The following CTNNA2 variants were observed in gnomAD, a reference collection of about 807,000 sequenced individuals.
The protein encoded by CTNNA2 is catenin alpha-2.
A neutral mutation model predicts 101.0 loss-of-function variants in CTNNA2; 42 were observed. The ratio of observed to expected loss-of-function variants is 0.42; its 90% CI spans 0.32 to 0.54. The LOEUF (loss-of-function observed/expected upper bound fraction) is 0.54, where lower values mean the gene tolerates loss of function less well. CTNNA2 is among the 20% of genes least tolerant of loss of function. CTNNA2 has a pLI of 0.14. For synonymous variants in CTNNA2, 450 were observed against 456.4 expected, an observed-to-expected ratio of 0.99 and a Z score of 0.18; for missense variants, 871 against 1,223.1, an observed-to-expected ratio of 0.71 and a Z score of 4.29.
intron 7 of CTNNA2, among the ~76,000 whole-genome samples, chr2:80,149,450 C>T (rs1703557281): frequency 6.6e-6 from 1 of 152,116 alleles, no homozygotes; most frequent in Non-Finnish European, 1.5e-5. Context: ...CACATCATAT[C>T]CATTTAACAG....
chr2:79,765,301 T>C (rs1673069364), intron 3 of CTNNA2, among the ~76,000 whole-genome samples: 1 of 152,194 alleles, frequency 6.6e-6, no homozygotes, highest in Admixed American at 6.5e-5. Flanking sequence ...CCTCTATTGT[T>C]ACATTTCTAG....
intron 9 of CTNNA2, among the ~76,000 whole-genome samples, chr2:80,423,861 T>C (rs1416494482): frequency 6.6e-6 from 1 of 152,080 alleles, no homozygotes; most frequent in Non-Finnish European, 1.5e-5. Context: ...TATTTCCCAA[T>C]AGCAATAAAA....
At chr2:79,353,865 G>A (rs1369557113) in intron 3 of CTNNA2, among the ~76,000 whole-genome samples, 2 of 152,206 alleles carry the variant, frequency 1.3e-5, no homozygotes, top group African/African-American at 2.4e-5. Context: ...CAGTCTAGTG[G>A]TCATGAATTC....
chr2:80,312,261 T>G (rs1488570318), intron 7 of CTNNA2, among the ~76,000 whole-genome samples: 1 of 152,240 alleles, frequency 6.6e-6, no homozygotes, highest in Non-Finnish European at 1.5e-5. Flanking sequence ...CCTACTGCTG[T>G]GTGGTTCCCC....
chr2:79,369,446 G>T (rs893265495), intron 3 of CTNNA2, among the ~76,000 whole-genome samples: 1 of 151,964 alleles, frequency 6.6e-6, no homozygotes, highest in Admixed American at 6.6e-5. Context: ...TTCCAATATC[G>T]TCTTGGCCTT....
intron 7 of CTNNA2, among the ~76,000 whole-genome samples, chr2:80,319,513 T>G (rs1678473342): frequency 6.6e-6 from 1 of 152,180 alleles, no homozygotes; most frequent in Non-Finnish European, 1.5e-5. Context: ...AGTATACCAC[T>G]CAGGATATTA....
At position 79,636,473 on chromosome 2, in the gene CTNNA2, T is replaced by C. The variant is rs150817348; in HGVS notation, c.-5-15079T>C. On this transcript the variant is annotated intron_variant, in intron 1 of 18. Transcript: ENST00000402739. Reference sequence around the variant, plus strand: ...AAGAGGGTACAAAGACGACTAAGAATAAGATGTTGAGAGGGTACAAGAAGA... The same window carrying C: ...AAGAGGGTACAAAGACGACTAAGAACAAGATGTTGAGAGGGTACAAGAAGA... 7.7e-3 allele frequency among the ~76,000 whole-genome samples: 1,175 copies of C among 151,726 alleles called. 22 individuals carry two copies. The highest frequency in any genetic ancestry group is 0.026 in the African/African-American group (1,081 of 41,422).
intron 2 of CTNNA2, among the ~76,000 whole-genome samples, chr2:79,287,969 G>A (rs563350272): frequency 1.5e-4 from 23 of 152,306 alleles, no homozygotes; most frequent in Middle Eastern, 3.4e-3. Context: ...TTTTTAAGCC[G>A]GTCGGAAAAG....
chr2:79,215,419 T>C (rs1423263109), intron 2 of CTNNA2, among the ~76,000 whole-genome samples: 5 of 152,194 alleles, frequency 3.3e-5, no homozygotes, highest in Non-Finnish European at 7.3e-5. Flanking sequence ...TATGTTGCTA[T>C]TTGGCTGCCT....
At chr2:80,132,183 G>A (rs939204337) in intron 7 of CTNNA2, among the ~76,000 whole-genome samples, 1 of 152,086 alleles carries the variant, frequency 6.6e-6, no homozygotes, top group East Asian at 1.9e-4. Flanking sequence ...GTCTTAGCAC[G>A]TACTGTTAGC....
At chr2:79,636,880 A>T (rs1680109068) in intron 1 of CTNNA2, 1 of 152,206 alleles carries the variant, frequency 6.6e-6, no homozygotes, top group South Asian at 2.1e-4. Flanking sequence ...TGGATGCTGC[A>T]TAAATTTGCT....
At chr2:79,648,236 A>C (rs912245782) in intron 1 of CTNNA2, among the ~76,000 whole-genome samples, 1 of 152,164 alleles carries the variant, frequency 6.6e-6, no homozygotes, top group South Asian at 2.1e-4. Context: ...GGGGCCACAT[A>C]CCAAATCATC....
At chr2:79,818,821 T>TTA (rs372924495) in intron 3 of CTNNA2, among the ~76,000 whole-genome samples, 5,148 of 74,136 alleles carry the variant, frequency 0.069, 266 homozygotes, top group East Asian at 0.092. Context: ...CAAAATGCAA[T>TTA]TATATATATA....
chr2:80,089,920 C>T, intron 7 of CTNNA2, among the ~76,000 whole-genome samples: 1 of 152,002 alleles, frequency 6.6e-6, no homozygotes, highest in East Asian at 1.9e-4. Context: ...CCAGCTCTCC[C>T]CAGTTCTCTG....
At chr2:80,361,357 G>GT (rs1354032228) in intron 7 of CTNNA2, among the ~76,000 whole-genome samples, 1 of 152,028 alleles carries the variant, frequency 6.6e-6, no homozygotes, top group African/African-American at 2.4e-5. Context: ...CATTATATTA[G>GT]TTTTTTTACT....
At chr2:79,337,940 G>A (rs889528701) in intron 3 of CTNNA2, among the ~76,000 whole-genome samples, 1 of 152,050 alleles carries the variant, frequency 6.6e-6, no homozygotes, top group Non-Finnish European at 1.5e-5. Context: ...GATTAAGGCT[G>A]AGGAGTAAAA....
intron 7 of CTNNA2, among the ~76,000 whole-genome samples, chr2:80,341,942 A>T (rs1672286003): frequency 6.6e-6 from 1 of 152,236 alleles, no homozygotes; most frequent in Non-Finnish European, 1.5e-5. Flanking sequence ...AAAAAGAATG[A>T]AGTAGTAATG....
At chr2:79,556,516 T>C (rs1309980558) in intron 1 of CTNNA2, among the ~76,000 whole-genome samples, 1 of 152,186 alleles carries the variant, frequency 6.6e-6, no homozygotes, top group Admixed American at 6.6e-5. Flanking sequence ...TTCTAGTTTT[T>C]TGAATTGAAG....
At chr2:80,237,929 T>A (rs1380976128) in intron 7 of CTNNA2, among the ~76,000 whole-genome samples, 1 of 152,086 alleles carries the variant, frequency 6.6e-6, no homozygotes, top group African/African-American at 2.4e-5. Flanking sequence ...ACCCAGTTGG[T>A]GACAACTCTT....
Sources: gnomAD v4.1 joint callset for allele counts (sites outside exome capture counted in the v4.1 genomes callset) on GRCh38, gnomAD v4.1.1 for gene constraint, MANE v1.5 for transcripts, NCBI Gene and HGNC (gene_info 2026-07-23, HGNC 2026-07-21) for gene names.